Variants in DAB1 observed in about 807,000 individuals in gnomAD.
DAB1 encodes the protein disabled homolog 1.
In DAB1, 15 loss-of-function variants were observed where a neutral mutation model predicts 64.6. The ratio of observed to expected loss-of-function variants is 0.23; its 90% CI spans 0.16 to 0.36. The LOEUF is 0.36. Ranked by LOEUF, DAB1 falls within the 10% of genes least tolerant of loss-of-function variation. The pLI is 1.00. For missense variants in DAB1, 596 were observed against 706.7 expected (o/e 0.84, Z 1.78); for synonymous variants, 235 against 251.9 (o/e 0.93, Z 0.64).
intron 6 of DAB1, among the ~76,000 whole-genome samples, chr1:57,782,813 T>G (rs1208053420): frequency 6.6e-6 from 1 of 152,168 alleles, no homozygotes; most frequent in Non-Finnish European, 1.5e-5. Flanking sequence ...ATTGGGTGCA[T>G]GTAACTAGAA....
chr1:57,097,143 T>C (rs922358527), intron 4 of DAB1, among the ~76,000 whole-genome samples: 6 of 152,166 alleles, frequency 3.9e-5, no homozygotes, highest in African/African-American at 1.2e-4. Flanking sequence ...GATGAATTAA[T>C]AAAAGGAGTA....
chr1:57,370,871 A>C (rs1680441710), intron 1 of DAB1, among the ~76,000 whole-genome samples: 1 of 152,208 alleles, frequency 6.6e-6, no homozygotes, highest in South Asian at 2.1e-4. Flanking sequence ...AATAAATTTA[A>C]ATCTAAAGTT....
At chr1:57,481,642 C>A (rs1644021872) in intron 7 of DAB1, among the ~76,000 whole-genome samples, 1 of 152,006 alleles carries the variant, frequency 6.6e-6, no homozygotes, top group Non-Finnish European at 1.5e-5. Flanking sequence ...CATGGTGAAA[C>A]CCTGTCTCTA....
chr1:57,741,431 T>C (rs771436531), intron 6 of DAB1, among the ~76,000 whole-genome samples: 5 of 152,174 alleles, frequency 3.3e-5, no homozygotes, highest in African/African-American at 4.8e-5. Context: ...TGGGAAACTC[T>C]TCCAAAAGCA....
At chr1:57,074,712 T>C (rs552559736) in intron 4 of DAB1, among the ~76,000 whole-genome samples, 1 of 152,222 alleles carries the variant, frequency 6.6e-6, no homozygotes, top group African/African-American at 2.4e-5. Flanking sequence ...CTGGATATCA[T>C]GCTTAAATGG....
chr1:58,321,422 G>A (rs1450326538), intron 4 of DAB1, among the ~76,000 whole-genome samples: 1 of 152,222 alleles, frequency 6.6e-6, no homozygotes, highest in African/African-American at 2.4e-5. Context: ...GACAGTGGGT[G>A]CAGCCCACGG....
chr1:57,204,877 G>T (rs1479989293), intron 2 of DAB1, among the ~76,000 whole-genome samples: 1 of 152,140 alleles, frequency 6.6e-6, no homozygotes. Flanking sequence ...TTTGAAAAAT[G>T]ACAATTCTTC....
rs77548190 is a variant in DAB1, at chr1:57,128,333, C to A, written c.306+8210G>T. Among the ~76,000 whole-genome samples the A allele has an allele frequency of 4.3e-3, 647 of 152,128 alleles. 35 individuals are homozygous for A. In the East Asian group the frequency reaches 0.1, roughly 24 times the overall value. ...ATAGCTTTTCACCTAGTCTTCATCTCCCAATGCCAAAGGGCTCATGGACCC... is the reference window on the plus strand; with the variant it reads ...ATAGCTTTTCACCTAGTCTTCATCTACCAATGCCAAAGGGCTCATGGACCC... On this transcript the variant is annotated intron_variant, in intron 4 of 14. Transcript: ENST00000371236.
chr1:57,770,758 T>C (rs777217074), intron 6 of DAB1, among the ~76,000 whole-genome samples: 1 of 152,070 alleles, frequency 6.6e-6, no homozygotes, highest in Non-Finnish European at 1.5e-5. Flanking sequence ...CTTTTTTAGC[T>C]GAGAAAATAA....
intron 3 of DAB1, among the ~76,000 whole-genome samples, chr1:58,380,996 A>G (rs1025024335): frequency 6.6e-6 from 1 of 152,250 alleles, no homozygotes; most frequent in Non-Finnish European, 1.5e-5. Context: ...TTGCAGGGAC[A>G]TAGATGGAGC....
intron 3 of DAB1, among the ~76,000 whole-genome samples, chr1:58,371,357 A>C (rs1644262705): frequency 6.6e-6 from 1 of 152,238 alleles, no homozygotes; most frequent in Non-Finnish European, 1.5e-5. Context: ...TCTAAGCAGC[A>C]AAGCATTCAA....
intron 2 of DAB1, among the ~76,000 whole-genome samples, chr1:57,177,104 A>G (rs1316426963): frequency 6.6e-6 from 1 of 152,062 alleles, no homozygotes; most frequent in Non-Finnish European, 1.5e-5. Context: ...CTTAGCCCTA[A>G]GATCACTCCA....
chr1:57,143,273 T>C (rs979519360), intron 3 of DAB1, among the ~76,000 whole-genome samples: 6 of 152,210 alleles, frequency 3.9e-5, no homozygotes, highest in Non-Finnish European at 8.8e-5. Flanking sequence ...GAAAGCTCAC[T>C]GTGGCTGTGT....
chr1:58,065,295 T>C (rs1053234262), intron 5 of DAB1, among the ~76,000 whole-genome samples: 4 of 152,326 alleles, frequency 2.6e-5, no homozygotes, highest in African/African-American at 9.6e-5. Flanking sequence ...TTAACCATTA[T>C]ATTATAGTAC....
At chr1:58,291,706 T>C (rs1486244234) in intron 4 of DAB1, among the ~76,000 whole-genome samples, 1 of 152,164 alleles carries the variant, frequency 6.6e-6, no homozygotes, top group East Asian at 1.9e-4. Context: ...AGGTAAACGG[T>C]ATTATTGTCC....
chr1:58,445,645 C>T (rs967522009), intron 3 of DAB1, among the ~76,000 whole-genome samples: 6 of 152,198 alleles, frequency 3.9e-5, no homozygotes, highest in African/African-American at 1.2e-4. Flanking sequence ...GGATGTGTGG[C>T]GAGAGATGTG....
At chr1:57,569,922 T>A (rs1301668503) in intron 7 of DAB1, among the ~76,000 whole-genome samples, 1 of 152,192 alleles carries the variant, frequency 6.6e-6, no homozygotes, top group Non-Finnish European at 1.5e-5. Context: ...TTAGGTGCAA[T>A]TACAACCTTA....
intron 4 of DAB1, among the ~76,000 whole-genome samples, chr1:58,197,174 T>A (rs980981886): frequency 2.0e-5 from 3 of 152,162 alleles, no homozygotes; most frequent in Non-Finnish European, 4.4e-5. Context: ...CAAGCTTCAG[T>A]GGCCTACAAC....
At chr1:57,035,731 G>T (rs1450810725) in intron 9 of DAB1, among the ~76,000 whole-genome samples, 1 of 151,328 alleles carries the variant, frequency 6.6e-6, no homozygotes, top group African/African-American at 2.4e-5. Flanking sequence ...TGAGATGTGT[G>T]TGCAAAGTCT....
Sources: allele counts gnomAD v4.1 joint callset (sites outside exome capture counted in the v4.1 genomes callset), GRCh38; gene constraint gnomAD v4.1.1; transcripts MANE v1.5; gene names NCBI Gene and HGNC (gene_info 2026-07-23, HGNC 2026-07-21).